PDZRN4: variants seen among roughly 807,000 people sequenced by gnomAD.
The protein encoded by PDZRN4 is PDZ domain containing ring finger 4.
A neutral mutation model predicts 99.0 loss-of-function variants in PDZRN4; 70 were observed. That is an observed-to-expected ratio of 0.71 (90% CI 0.58 to 0.86). The LOEUF (loss-of-function observed/expected upper bound fraction) is 0.86. Ranked by LOEUF, PDZRN4 falls within the 40% of genes least tolerant of loss-of-function variation. The pLI, the probability that PDZRN4 is intolerant of heterozygous loss-of-function variation, is 0.00. For synonymous variants in PDZRN4, 551 were observed against 501.6 expected, an observed-to-expected ratio of 1.10 and a Z score of -1.32; for missense variants, 1,474 against 1,331.2, an observed-to-expected ratio of 1.11 and a Z score of -1.67.
chr12:41,462,947 A>T (rs1254682388), intron 3 of PDZRN4, among the ~76,000 whole-genome samples: 4 of 152,216 alleles, frequency 2.6e-5, no homozygotes, highest in Non-Finnish European at 4.4e-5. Flanking sequence ...TTCCTCAAGG[A>T]TCAGAAGGAG....
intron 3 of PDZRN4, among the ~76,000 whole-genome samples, chr12:41,502,103 C>T (rs887644158): frequency 1.3e-5 from 2 of 152,078 alleles, no homozygotes; most frequent in African/African-American, 4.8e-5. Context: ...GATAACCTCT[C>T]GTTGCATAAT....
chr12:41,373,951 G>A lies in PDZRN4; in HGVS notation c.844-132505G>A, dbSNP rs117466612. Among the ~76,000 whole-genome samples the A allele has an allele frequency of 6.7e-3, 1,026 of 152,238 alleles. 22 individuals are homozygous for A. The East Asian group carries it at 0.091, about 13-fold the overall frequency. On this transcript the variant is annotated intron_variant, in intron 3 of 9. Coordinates refer to ENST00000402685, the MANE Select transcript of PDZRN4 (RefSeq NM_001164595.2). ...TGCCATGGCTTTAGCTGGTCCCTCC[G>A]TTCGGGGTCCCTGACTTCCCACAAC...
chr12:41,490,647 A>G (rs1056624058), intron 3 of PDZRN4, among the ~76,000 whole-genome samples: 1 of 152,094 alleles, frequency 6.6e-6, no homozygotes, highest in Non-Finnish European at 1.5e-5. Context: ...GCACCTCCTC[A>G]TGAGTTCCTC....
intron 3 of PDZRN4, among the ~76,000 whole-genome samples, chr12:41,358,113 G>A (rs1951939902): frequency 6.6e-6 from 1 of 151,964 alleles, no homozygotes; most frequent in Non-Finnish European, 1.5e-5. Flanking sequence ...ATGTGAATTT[G>A]CAGATTTGTG....
chr12:41,502,109 A>G (rs1209061605), intron 3 of PDZRN4, among the ~76,000 whole-genome samples: 1 of 152,100 alleles, frequency 6.6e-6, no homozygotes, highest in Non-Finnish European at 1.5e-5. Flanking sequence ...CTCTCGTTGC[A>G]TAATGTGTCT....
chr12:41,200,074 T>C (rs1351485896), intron 3 of PDZRN4, among the ~76,000 whole-genome samples: 9 of 152,290 alleles, frequency 5.9e-5, no homozygotes, highest in African/African-American at 1.7e-4. Flanking sequence ...CTTAGTGAAG[T>C]GACACTGTAG....
intron 3 of PDZRN4, among the ~76,000 whole-genome samples, chr12:41,261,137 A>T (rs17129178): frequency 1.3e-5 from 2 of 152,042 alleles, no homozygotes; most frequent in Admixed American, 6.6e-5. Flanking sequence ...TATTAGGGAT[A>T]TGCAAATTTT....
At chr12:41,358,035 T>A (rs1951939392) in intron 3 of PDZRN4, among the ~76,000 whole-genome samples, 1 of 151,982 alleles carries the variant, frequency 6.6e-6, no homozygotes, top group Non-Finnish European at 1.5e-5. Context: ...GAGACAATCA[T>A]AAGTGAGGAA....
At position 41,188,395 on chromosome 12, in the gene PDZRN4, G is replaced by A; in HGVS notation, c.-61G>A. 3 of 1,432,236 alleles carry A rather than the reference G, an allele frequency of 2.1e-6. No homozygotes were observed. The highest frequency in any genetic ancestry group is 9.2e-7 in the Non-Finnish European group (1 of 1,087,410). The allele number at this position is 1,432,236 out of a possible 1,614,324, so 88.7% of individuals were successfully genotyped here. On this transcript the variant is annotated 5_prime_UTR_variant, in exon 1 of 10. Coordinates refer to ENST00000402685, the MANE Select transcript of PDZRN4 (RefSeq NM_001164595.2). ...CTGCCCCGGGGGTGGCCCGGGGAAG[G>A]CAGGGGGGCTCGGAGAAGACGGACT...
intron 3 of PDZRN4, among the ~76,000 whole-genome samples, chr12:41,226,918 A>C (rs1248530315): frequency 6.6e-6 from 1 of 152,042 alleles, no homozygotes; most frequent in Non-Finnish European, 1.5e-5. Flanking sequence ...CTTTCTATTG[A>C]CCATATTGTA....
At chr12:41,226,870 A>G (rs1950998595) in intron 3 of PDZRN4, among the ~76,000 whole-genome samples, 1 of 152,192 alleles carries the variant, frequency 6.6e-6, no homozygotes, top group South Asian at 2.1e-4. Flanking sequence ...ACCTATGCAT[A>G]GCATTCTTTC....
chr12:41,460,746 C>T (rs1398554447), intron 3 of PDZRN4, among the ~76,000 whole-genome samples: 1 of 152,150 alleles, frequency 6.6e-6, no homozygotes, highest in Non-Finnish European at 1.5e-5. Flanking sequence ...CTCTAATCCC[C>T]AGTGTTACTC....
At chr12:41,398,588 C>T (rs1952267134) in intron 3 of PDZRN4, among the ~76,000 whole-genome samples, 1 of 152,126 alleles carries the variant, frequency 6.6e-6, no homozygotes, top group African/African-American at 2.4e-5. Flanking sequence ...ATTATAATGA[C>T]TTACAAATGC....
chr12:41,355,844 G>A (rs1951923882), intron 3 of PDZRN4, among the ~76,000 whole-genome samples: 2 of 151,918 alleles, frequency 1.3e-5, no homozygotes, highest in African/African-American at 4.8e-5. Context: ...AGGAGAGAGT[G>A]GTTTTTTGGT....
intron 3 of PDZRN4, among the ~76,000 whole-genome samples, chr12:41,482,876 G>A (rs901328652): frequency 1.3e-5 from 2 of 152,016 alleles, no homozygotes; most frequent in Admixed American, 6.6e-5. Context: ...ATGAGGGAAT[G>A]GGGGAAGCAG....
chr12:41,553,394 T>C (rs1269924308), intron 6 of PDZRN4, among the ~76,000 whole-genome samples: 2 of 152,214 alleles, frequency 1.3e-5, no homozygotes, highest in Non-Finnish European at 2.9e-5. Flanking sequence ...CAAAAAGCAT[T>C]ATTTTATGTG....
intron 3 of PDZRN4, among the ~76,000 whole-genome samples, chr12:41,364,470 G>A (rs769163494): frequency 1.9e-4 from 29 of 152,172 alleles, no homozygotes; most frequent in Non-Finnish European, 3.5e-4. Context: ...TTAGATATGC[G>A]TCAGTGTCAC....
chr12:41,406,416 A>G (rs1952350738), intron 3 of PDZRN4, among the ~76,000 whole-genome samples: 1 of 152,174 alleles, frequency 6.6e-6, no homozygotes, highest in African/African-American at 2.4e-5. Flanking sequence ...CGTCATTACC[A>G]AGCTACTGTG....
At chr12:41,358,283 A>G (rs1389956856) in intron 3 of PDZRN4, among the ~76,000 whole-genome samples, 1 of 151,994 alleles carries the variant, frequency 6.6e-6, no homozygotes, top group Non-Finnish European at 1.5e-5. Flanking sequence ...GAAGAATTAC[A>G]TTTAGGTTTA....
Sources: allele counts gnomAD v4.1 joint callset (sites outside exome capture counted in the v4.1 genomes callset), GRCh38; gene constraint gnomAD v4.1.1; transcripts MANE v1.5; gene names NCBI Gene and HGNC (gene_info 2026-07-23, HGNC 2026-07-21).